KCTD17: variants seen among roughly 807,000 people sequenced by gnomAD.
KCTD17 encodes the protein potassium channel tetramerization domain containing 17.
KCTD17 carries 20 observed loss-of-function variants against 41.5 expected under a neutral mutation model. The ratio of observed to expected loss-of-function variants is 0.48; its 90% CI spans 0.34 to 0.70. KCTD17 has a LOEUF of 0.70. Among genes scored for constraint, KCTD17 ranks in the 30% least tolerant of loss-of-function variants. The pLI, the probability that KCTD17 is intolerant of heterozygous loss-of-function variation, is 0.01. For missense variants in KCTD17, 317 were observed against 427.2 expected, an observed-to-expected ratio of 0.74 and a Z score of 2.27; for synonymous variants, 156 against 173.8, an observed-to-expected ratio of 0.90 and a Z score of 0.80.
chr22:37,057,370 G>A, intron 3 of KCTD17, 28 bp from the exon 4 acceptor site: 1 of 1,590,194 alleles, frequency 6.3e-7, no homozygotes, highest in South Asian at 1.1e-5. Flanking sequence ...TCCCACAGGT[G>A]CCCTCTATGT....
In KCTD17 at chr22:37,062,747, G is replaced by A; in HGVS notation, c.*153G>A. The A allele has an allele frequency of 6.9e-7, 1 of 1,454,720 alleles. No individual in the cohort carries two copies. The highest frequency in any genetic ancestry group is 9.0e-7 in the Non-Finnish European group (1 of 1,107,110). 90.1% of individuals were successfully genotyped at this position (1,454,720 alleles called of 1,614,324 possible). On this transcript the variant is annotated 3_prime_UTR_variant, in exon 9 of 9. Transcript: ENST00000403888. The stretch of plus-strand genomic sequence containing the variant: ...CCCCCTGGGACCTCTTAAGGCCCAA[G>A]GTGGGCCCCAGGACCTCTGGGCAGA...
chr22:37,059,333 C>G lies in KCTD17; in HGVS notation c.507C>G (p.Ser169=). The G allele has an allele frequency of 6.2e-7, 1 of 1,613,136 alleles. No individual in the cohort carries two copies. Among genetic ancestry groups the G allele is most frequent in the Non-Finnish European group, 8.5e-7 (1 of 1,179,840 alleles). The part of the protein sequence containing the change: ...RFEQLVNIGS[S]YNYGSEDQAE... ...TCTAGCTGGTGAACATCGGCTCCTCCTACAACTACGGCAGCGAGGACCAGG... is the reference window on the plus strand; with the variant it reads ...TCTAGCTGGTGAACATCGGCTCCTCGTACAACTACGGCAGCGAGGACCAGG... Residue 169 remains serine (S), a synonymous_variant, in exon 5 of 9, where the codon TCC becomes TCG. Coordinates refer to ENST00000403888, the MANE Select transcript of KCTD17 (RefSeq NM_001282684.2).
At position 37,061,329 on chromosome 22, in the gene KCTD17, G is replaced by T. The variant is rs934209654; in HGVS notation, c.784+154G>T. The T allele has an allele frequency of 6.7e-6, 10 of 1,491,632 alleles. No individual in the cohort carries two copies. The African/African-American group carries it at 1.2e-4, about 19-fold the overall frequency. The allele number at this position is 1,491,632 out of a possible 1,614,324, so 92.4% of individuals were successfully genotyped here. A position where few individuals can be genotyped will look rare whatever the true frequency, so the allele number is the denominator to read the frequency against. On this transcript the variant is annotated intron_variant, in intron 7 of 8. Transcript: ENST00000403888. The surrounding 1 kb of genome is among the most constrained non-coding windows in gnomAD (Gnocchi z 6.6). ...CCAGCCTCCCGTGCCCTCCACCCAG[G>T]CCCCCTGGCCCTGCATCCCAGAGCG...
intron 4 of KCTD17, among the ~76,000 whole-genome samples, chr22:37,058,515 C>G (rs1326237187): frequency 6.6e-6 from 1 of 152,166 alleles, no homozygotes; most frequent in African/African-American, 2.4e-5. Flanking sequence ...ATTAGAAATC[C>G]ATATTGAAGT....
In KCTD17 at chr22:37,061,870, C is replaced by T. The variant is rs1925841785; in HGVS notation, c.875+241C>T. 2.0e-6 allele frequency: 2 copies of T among 985,334 alleles called. No homozygotes were observed. Among genetic ancestry groups the T allele is most frequent in the Non-Finnish European group, 2.4e-6 (2 of 829,940 alleles). 61.0% of individuals were successfully genotyped at this position (985,334 alleles called of 1,614,324 possible). The stretch of plus-strand genomic sequence containing the variant: ...AGGGAGGGACCGCTGAAGCCAGAGG[C>T]CCTGGCCAAGTCCCTGCACATCCAG... On this transcript the variant is annotated intron_variant, in intron 8 of 8. Coordinates refer to ENST00000403888, the MANE Select transcript of KCTD17 (RefSeq NM_001282684.2). The surrounding 1 kb of genome is among the most constrained non-coding windows in gnomAD (Gnocchi z 6.6).
Position 37,060,614 on chromosome 22 carries a change from T to C in KCTD17, c.613-209T>C, listed in dbSNP as rs189047094. On this transcript the variant is annotated intron_variant, in intron 5 of 8. Coordinates refer to ENST00000403888, the MANE Select transcript of KCTD17 (RefSeq NM_001282684.2). ...CTGACCCCGGAGCATGCCCACAGCA[T>C]CCCATCCTCAGCTGCTTTCCCCAGG... 6.6e-3 allele frequency among the ~76,000 whole-genome samples: 1,000 copies of C among 152,216 alleles called. 12 individuals carry two copies. Among genetic ancestry groups the C allele is most frequent in the African/African-American group, 0.023 (939 of 41,520 alleles).
At position 37,058,479 on chromosome 22, in the gene KCTD17, A is replaced by G. The variant is rs372123634; in HGVS notation, c.487-834A>G. Among the ~76,000 whole-genome samples, 7 of 150,458 alleles carry G rather than the reference A, an allele frequency of 4.7e-5. No homozygotes were observed. The South Asian group carries it at 1.3e-3, about 27-fold the overall frequency. On this transcript the variant is annotated intron_variant, in intron 4 of 8. Transcript: ENST00000403888. ...CTTACAGCCCTCCGTAGGACTCCCT[A>G]TGTTGGCATTAGTGTCATGCAAATC...
At position 37,059,321 on chromosome 22, in the gene KCTD17, CATCG is replaced by C; in HGVS notation, c.496_499del (p.Ile166AlafsTer29). On this transcript the variant is annotated frameshift_variant, in exon 5 of 9. Coordinates refer to ENST00000403888, the MANE Select transcript of KCTD17 (RefSeq NM_001282684.2). LOFTEE classifies it high-confidence loss of function. ...ATGCTCCGCCCCTCTAGCTGGTGAA[CATCG>C]GCTCCTCCTACAACTACGGCAGCGA... is the stretch of plus-strand genomic sequence containing the variant. 6.2e-7 allele frequency: 1 copy of C among 1,612,914 alleles called. No individual in the cohort carries two copies. Among genetic ancestry groups the C allele is most frequent in the Non-Finnish European group, 8.5e-7 (1 of 1,179,852 alleles).
At chr22:37,054,037 T>C (rs1182899588) in intron 2 of KCTD17, among the ~76,000 whole-genome samples, 1 of 152,134 alleles carries the variant, frequency 6.6e-6, no homozygotes, top group Non-Finnish European at 1.5e-5. Context: ...TGGAGGGAGA[T>C]GTCATAAATC....
chr22:37,059,295 C>T lies in KCTD17; in HGVS notation c.487-18C>T. On this transcript the variant is annotated intron_variant, in intron 4 of 8. Coordinates refer to ENST00000403888, the MANE Select transcript of KCTD17 (RefSeq NM_001282684.2). ...CAACACCAACCTGCATTTTTCTCCC[C>T]ATGCTCCGCCCCTCTAGCTGGTGAA... 6.2e-7 allele frequency: 1 copy of T among 1,611,084 alleles called. No homozygotes were observed. The highest frequency in any genetic ancestry group is 2.2e-5 in the East Asian group (1 of 44,882).
Position 37,051,778 on chromosome 22 carries a change from G to C in KCTD17, c.18G>C (p.Gly6=), listed in dbSNP as rs1924502494. The C allele has an allele frequency of 1.6e-6, 2 of 1,248,200 alleles. No homozygotes were observed. Among genetic ancestry groups the C allele is most frequent in the Non-Finnish European group, 2.0e-6 (2 of 997,792 alleles). The allele number at this position is 1,248,200 out of a possible 1,614,324, so 77.3% of individuals were successfully genotyped here. A position where few individuals can be genotyped will look rare whatever the true frequency, so the allele number is the denominator to read the frequency against. ...GGCCGGCGATGAGGATGGAGGCCGGGGAGGCAGCGCCGCCGGCGGGGGCGG... is the reference window on the plus strand; with the variant it reads ...GGCCGGCGATGAGGATGGAGGCCGGCGAGGCAGCGCCGCCGGCGGGGGCGG... MRMEA[G]EAAPPAGAGG... The change falls in exon 1 of 9, where the codon GGG becomes GGC. Residue 6 remains glycine, a synonymous_variant. Transcript: ENST00000403888.
At chr22:37,052,186 C>A (rs952477100) in intron 1 of KCTD17, 3 of 512,422 alleles carry the variant, frequency 5.9e-6, no homozygotes, top group Non-Finnish European at 9.9e-6. Context: ...AGCTCTCCAG[C>A]CGCCCCGGAT....
rs1924700806 is a variant in KCTD17 at position 37,053,208 on chromosome 22, G to A, written c.298G>A (p.Gly100Arg). ...LVLDKDMAEE[G>R]VLEEAEFYNI... ...GCTGGACAAGGACATGGCTGAGGAG[G>A]GTGAGTTGGTCCAGGGGGCTGGCCT... is the stretch of plus-strand genomic sequence containing the variant. The change falls in exon 2 of 9, where the codon GGG (glycine) becomes AGG (arginine). Residue 100 changes from glycine (G) to arginine (R), a missense_variant and splice_region_variant. Physicochemically the swap from Gly to Arg is moderately radical, Grantham distance 125 (BLOSUM62 -2). This residue lies in a region of KCTD17 where 99 missense variants were observed against 166.5 expected (regional missense o/e 0.59). Transcript: ENST00000403888. This position sits in a 1 kb window ranked among gnomAD's most constrained non-coding sequence, Gnocchi z 4.1. 1 of 1,595,890 alleles carries A rather than the reference G, an allele frequency of 6.3e-7. No individual in the cohort carries two copies.
intron 2 of KCTD17, among the ~76,000 whole-genome samples, chr22:37,055,665 C>T (rs1925017402): frequency 6.6e-6 from 1 of 152,170 alleles, no homozygotes; most frequent in Admixed American, 6.5e-5. Flanking sequence ...CTCCTCATAT[C>T]CCTGGACTTG....
At chr22:37,059,549 C>T (rs1024863091) in intron 5 of KCTD17, 111 bp downstream of exon 5, 5 of 1,272,880 alleles carry the variant, frequency 3.9e-6, no homozygotes, top group South Asian at 1.4e-5. Context: ...CTCCCGCCAC[C>T]GCCCATGCAC....
At chr22:37,057,888 T>C (rs1209324839) in intron 4 of KCTD17, among the ~76,000 whole-genome samples, 1 of 152,208 alleles carries the variant, frequency 6.6e-6, no homozygotes, top group Non-Finnish European at 1.5e-5. Context: ...AGAGTCAGCA[T>C]CATGCGATCA....
chr22:37,062,567 C>A lies in KCTD17; in HGVS notation c.918C>A (p.His306Gln), dbSNP rs1925925859. The A allele has an allele frequency of 6.2e-7, 1 of 1,613,358 alleles. No homozygotes were observed. The highest frequency in any genetic ancestry group is 1.1e-5 in the South Asian group (1 of 91,000). ...CACCCGGATGTGAGGCCCCAGATCA[C>A]CTCCAGGGACTTGGGGTTCCCATCT... ...PEAPGCEAPD[H>Q]LQGLGVPI is the part of the protein sequence containing the mutation. Residue 306 changes from histidine to glutamine, a missense_variant, in exon 9 of 9, where the codon CAC becomes CAA. Physicochemically the swap from His to Gln is conservative, Grantham distance 24. Transcript: ENST00000403888.
chr22:37,059,539 C>G lies in KCTD17; in HGVS notation c.612+101C>G, dbSNP rs1474271651. ...GCGCCTGCACCATCCCTCCACCTCT[C>G]TCCCGCCACCGCCCATGCACAACCC... is the stretch of plus-strand genomic sequence containing the variant. On this transcript the variant is annotated intron_variant, in intron 5 of 8. Transcript: ENST00000403888. 4 of 1,355,972 alleles carry G rather than the reference C, an allele frequency of 2.9e-6. No individual in the cohort carries two copies. The South Asian group carries it at 4.0e-5, about 14-fold the overall frequency. The allele number at this position is 1,355,972 out of a possible 1,614,324, so 84.0% of individuals were successfully genotyped here.
chr22:37,062,315 TCCC>T lies in KCTD17; in HGVS notation c.876-206_876-204del, dbSNP rs1925887342. 3 of 983,406 alleles carry T rather than the reference TCCC, an allele frequency of 3.1e-6. No individual in the cohort carries two copies. The African/African-American group carries it at 5.3e-5, about 17-fold the overall frequency. The allele number at this position is 983,406 out of a possible 1,614,324, so 60.9% of individuals were successfully genotyped here. A position where few individuals can be genotyped will look rare whatever the true frequency, so the allele number is the denominator to read the frequency against. ...GGGTTAGTTGGGGAGCCCTTGCTGCTCCCCCCAACTCAGTTCTGAATCCACCTT... is the reference window on the plus strand; with the variant it reads ...GGGTTAGTTGGGGAGCCCTTGCTGCTCCCAACTCAGTTCTGAATCCACCTT... On this transcript the variant is annotated intron_variant, in intron 8 of 8. Coordinates refer to ENST00000403888, the MANE Select transcript of KCTD17 (RefSeq NM_001282684.2).
Sources: allele counts gnomAD v4.1 joint callset (sites outside exome capture counted in the v4.1 genomes callset), GRCh38; gene constraint gnomAD v4.1.1; regional missense constraint gnomAD v4.1.1; non-coding constraint Gnocchi (gnomAD v3.1); transcripts MANE v1.5; gene names NCBI Gene and HGNC (gene_info 2026-07-23, HGNC 2026-07-21).